The following CNTNAP5 variants were observed in gnomAD, a reference collection of about 807,000 sequenced individuals.
The protein encoded by CNTNAP5 is contactin associated protein family member 5, also known as contactin-associated protein-like 5.
In CNTNAP5, 72 loss-of-function variants were observed where a neutral mutation model predicts 150.2. The observed-to-expected ratio is 0.48, with a 90% confidence interval of 0.40 to 0.58. The LOEUF (loss-of-function observed/expected upper bound fraction) is 0.58. CNTNAP5 is among the 20% of genes least tolerant of loss of function. The pLI, the probability that CNTNAP5 is intolerant of heterozygous loss-of-function variation, is 0.00. For synonymous variants in CNTNAP5, 672 were observed against 619.8 expected (o/e 1.08, Z -1.25); for missense variants, 1,636 against 1,626.2 (o/e 1.01, Z -0.10).
intron 1 of CNTNAP5, among the ~76,000 whole-genome samples, chr2:124,218,434 T>A (rs150483983): frequency 6.6e-6 from 1 of 152,266 alleles, no homozygotes; most frequent in African/African-American, 2.4e-5. Context: ...TTCTTCCTTT[T>A]AGATTTGAGA....
intron 13 of CNTNAP5, among the ~76,000 whole-genome samples, chr2:124,652,008 G>C (rs564727219): frequency 1.3e-5 from 2 of 152,308 alleles, no homozygotes; most frequent in African/African-American, 2.4e-5. Context: ...GGCAGGATAA[G>C]GTCGTGCATG....
intron 6 of CNTNAP5, among the ~76,000 whole-genome samples, chr2:124,458,232 A>G (rs1354294853): frequency 7.0e-6 from 1 of 143,152 alleles, no homozygotes; most frequent in Non-Finnish European, 1.5e-5. Context: ...TAATAAATAT[A>G]TATTATATAT....
At chr2:124,027,358 G>A (rs1450608248) in intron 1 of CNTNAP5, among the ~76,000 whole-genome samples, 1 of 152,194 alleles carries the variant, frequency 6.6e-6, no homozygotes, top group Non-Finnish European at 1.5e-5. Flanking sequence ...GTGGCAGCAA[G>A]CTAGCTGTGT....
intron 4 of CNTNAP5, among the ~76,000 whole-genome samples, chr2:124,420,796 C>G (rs577576021): frequency 6.6e-6 from 1 of 152,096 alleles, no homozygotes; most frequent in African/African-American, 2.4e-5. Flanking sequence ...ACTTCAGGCA[C>G]GTTTAACCAG....
intron 13 of CNTNAP5, among the ~76,000 whole-genome samples, chr2:124,745,582 T>C (rs1275434775): frequency 1.3e-5 from 2 of 152,178 alleles, no homozygotes; most frequent in Non-Finnish European, 2.9e-5. Flanking sequence ...AATTCATGTG[T>C]AGTATTTTAC....
At chr2:124,026,175 C>A (rs1045885163) in intron 1 of CNTNAP5, among the ~76,000 whole-genome samples, 1 of 152,188 alleles carries the variant, frequency 6.6e-6, no homozygotes, top group Non-Finnish European at 1.5e-5. Flanking sequence ...GTATACCAAG[C>A]ACCCCACGAT....
intron 3 of CNTNAP5, among the ~76,000 whole-genome samples, chr2:124,321,224 C>G (rs974833265): frequency 1.3e-5 from 2 of 152,044 alleles, no homozygotes; most frequent in African/African-American, 4.8e-5. Context: ...GGCGGATCGC[C>G]TGAGGTTGGG....
At chr2:124,563,672 T>C (rs1157729639) in intron 11 of CNTNAP5, among the ~76,000 whole-genome samples, 1 of 152,190 alleles carries the variant, frequency 6.6e-6, no homozygotes, top group East Asian at 1.9e-4. Flanking sequence ...GTGGCTATAA[T>C]AAACAAACTA....
chr2:124,400,609 C>T (rs187206448), intron 3 of CNTNAP5, among the ~76,000 whole-genome samples: 3 of 151,736 alleles, frequency 2.0e-5, no homozygotes, highest in South Asian at 4.2e-4. Context: ...TAGTTCCCTA[C>T]CTCATTGGCA....
intron 11 of CNTNAP5, among the ~76,000 whole-genome samples, chr2:124,563,557 CA>C (rs1695943436): frequency 6.6e-6 from 1 of 152,162 alleles, no homozygotes; most frequent in Non-Finnish European, 1.5e-5. Context: ...GAAATGAGAT[CA>C]TGACAGTACA....
intron 21 of CNTNAP5, among the ~76,000 whole-genome samples, chr2:124,892,817 T>C (rs1678224262): frequency 6.6e-6 from 1 of 152,162 alleles, no homozygotes; most frequent in Non-Finnish European, 1.5e-5. Context: ...AAATGCCTCC[T>C]ATACAGAAAT....
chr2:124,034,987 G>T (rs1681170270), intron 1 of CNTNAP5, among the ~76,000 whole-genome samples: 1 of 145,970 alleles, frequency 6.9e-6, no homozygotes, highest in Non-Finnish European at 1.5e-5. Context: ...TTATCCACAA[G>T]TCCTCCCTCC....
intron 13 of CNTNAP5, among the ~76,000 whole-genome samples, chr2:124,697,658 G>T (rs942353623): frequency 6.7e-6 from 1 of 150,240 alleles, no homozygotes; most frequent in Non-Finnish European, 1.5e-5. Context: ...CTGGCATAAG[G>T]CCAGCACATC....
chr2:124,355,920 G>A (rs1386449648), intron 3 of CNTNAP5, among the ~76,000 whole-genome samples: 1 of 152,080 alleles, frequency 6.6e-6, no homozygotes, highest in African/African-American at 2.4e-5. Context: ...AAAGAATAGA[G>A]GCAATGCTAA....
intron 1 of CNTNAP5, among the ~76,000 whole-genome samples, chr2:124,062,309 C>A (rs1220193575): frequency 6.6e-6 from 1 of 152,170 alleles, no homozygotes; most frequent in Non-Finnish European, 1.5e-5. Context: ...CAATCTACTC[C>A]TCTGCATCTT....
At chr2:124,658,868 C>A (rs1178426479) in intron 13 of CNTNAP5, among the ~76,000 whole-genome samples, 2 of 152,154 alleles carry the variant, frequency 1.3e-5, no homozygotes, top group African/African-American at 4.8e-5. Context: ...ATAATGGCAC[C>A]TCTGAGCTTG....
At chr2:124,697,587 A>T (rs1573554445) in intron 13 of CNTNAP5, among the ~76,000 whole-genome samples, 2 of 149,280 alleles carry the variant, frequency 1.3e-5, no homozygotes, top group African/African-American at 5.0e-5. Context: ...TGATGAAAAG[A>T]TCTGAAAGGA....
At chr2:124,236,141 T>G (rs1433916044) in intron 2 of CNTNAP5, among the ~76,000 whole-genome samples, 1 of 152,056 alleles carries the variant, frequency 6.6e-6, no homozygotes, top group Non-Finnish European at 1.5e-5. Context: ...AATTTTTGTA[T>G]TTTGAGTAGA....
chr2:124,430,124 A>T (rs561926337), intron 4 of CNTNAP5, among the ~76,000 whole-genome samples: 1 of 152,186 alleles, frequency 6.6e-6, no homozygotes, highest in South Asian at 2.1e-4. Context: ...GGAGACTAAC[A>T]GGGATGGAGG....
Sources: gnomAD v4.1 joint callset for allele counts (sites outside exome capture counted in the v4.1 genomes callset) on GRCh38, gnomAD v4.1.1 for gene constraint, MANE v1.5 for transcripts, NCBI Gene and HGNC (gene_info 2026-07-23, HGNC 2026-07-21) for gene names.